The following PTPRD variants were observed in gnomAD, a reference collection of about 807,000 sequenced individuals.
PTPRD encodes the protein receptor-type tyrosine-protein phosphatase delta.
PTPRD carries 34 observed loss-of-function variants against 214.5 expected under a neutral mutation model. That is an observed-to-expected ratio of 0.16 (90% CI 0.12 to 0.21). PTPRD has a LOEUF of 0.21. Ranked by LOEUF, PTPRD falls within the 10% of genes least tolerant of loss-of-function variation. The probability of loss-of-function intolerance (pLI) is 1.00; values close to 1 mark genes in which losing one functional copy is unlikely to be tolerated. For synonymous variants in PTPRD, 1,128 were observed against 845.7 expected, an observed-to-expected ratio of 1.33 and a Z score of -5.79; for missense variants, 2,545 against 2,398.7, an observed-to-expected ratio of 1.06 and a Z score of -1.27.
At chr9:9,544,931 T>G (rs889658422) in intron 8 of PTPRD, among the ~76,000 whole-genome samples, 12 of 151,630 alleles carry the variant, frequency 7.9e-5, no homozygotes, top group Non-Finnish European at 1.8e-4. Flanking sequence ...TACCTGAATA[T>G]GTGTGGAGGT....
intron 3 of PTPRD, among the ~76,000 whole-genome samples, chr9:10,125,507 T>G (rs945655427): frequency 6.7e-6 from 1 of 150,110 alleles, no homozygotes; most frequent in African/African-American, 2.4e-5. Context: ...CAGGTTGTAG[T>G]GCAGTGGCGC....
chr9:10,482,901 A>G (rs900240144), intron 2 of PTPRD, among the ~76,000 whole-genome samples: 6 of 152,196 alleles, frequency 3.9e-5, no homozygotes, highest in Non-Finnish European at 5.9e-5. Context: ...CTATTACAAT[A>G]ACAACATGAT....
At position 9,607,005 on chromosome 9, in the gene PTPRD, A is replaced by AAAAAAAAAAAAT. The variant is rs1187365479; in HGVS notation, c.-286-32225_-286-32224insATTTTTTTTTTT. On this transcript the variant is annotated intron_variant, in intron 7 of 45. Transcript: ENST00000381196. ...AAAAAAAAAAAAAAAAAAAAAAAAA[A>AAAAAAAAAAAAT]GTGTTTCTGCCATGTCACCGACCAG... is the stretch of plus-strand genomic sequence containing the variant. Among the ~76,000 whole-genome samples the AAAAAAAAAAAAT allele has an allele frequency of 1.4e-4, 17 of 119,678 alleles. 5 individuals carry two copies. Among genetic ancestry groups the AAAAAAAAAAAAT allele is most frequent in the African/African-American group, 4.3e-4 (13 of 30,508 alleles). 78.5% of individuals were successfully genotyped at this position (119,678 alleles called of 152,430 possible).
intron 10 of PTPRD, among the ~76,000 whole-genome samples, chr9:9,119,243 G>T (rs957749794): frequency 1.3e-5 from 2 of 152,172 alleles, no homozygotes; most frequent in African/African-American, 4.8e-5. Flanking sequence ...AGTTATTGCA[G>T]AAACCAGTTA....
At chr9:9,840,894 A>T (rs2058170200) in intron 5 of PTPRD, among the ~76,000 whole-genome samples, 1 of 151,426 alleles carries the variant, frequency 6.6e-6, no homozygotes, top group Non-Finnish European at 1.5e-5. Context: ...TAAGGAGTTC[A>T]ATTTTTATAT....
chr9:8,614,943 TAAAG>T (rs1235488076), intron 14 of PTPRD, among the ~76,000 whole-genome samples: 3 of 152,160 alleles, frequency 2.0e-5, no homozygotes, highest in Non-Finnish European at 4.4e-5. Context: ...AAGCTACTTT[TAAAG>T]AAAGGAGAGC....
intron 26 of PTPRD, among the ~76,000 whole-genome samples, chr9:8,493,981 CACACACAGACACACACAG>C (rs1245098754): frequency 4.5e-5 from 6 of 133,954 alleles, no homozygotes; most frequent in African/African-American, 1.6e-4. Context: ...CACATGCGCA[CACACACAGACACACACAG>C]ACACACAGAC....
At chr9:9,223,840 C>T (rs1237345991) in intron 9 of PTPRD, among the ~76,000 whole-genome samples, 1 of 151,978 alleles carries the variant, frequency 6.6e-6, no homozygotes, top group Non-Finnish European at 1.5e-5. Flanking sequence ...GAGTACATTA[C>T]ATATTCATTA....
intron 2 of PTPRD, among the ~76,000 whole-genome samples, chr9:10,380,067 C>T (rs2097790706): frequency 6.6e-6 from 1 of 152,050 alleles, no homozygotes; most frequent in Non-Finnish European, 1.5e-5. Context: ...TCAAGCGATC[C>T]TCCTGCCTCA....
intron 43 of PTPRD, among the ~76,000 whole-genome samples, chr9:8,332,080 G>C (rs1169213884): frequency 6.6e-6 from 1 of 152,050 alleles, no homozygotes. Flanking sequence ...CATTCATCAT[G>C]TCTGCATTCC....
At chr9:8,519,047 G>C (rs72694770) in intron 20 of PTPRD, among the ~76,000 whole-genome samples, 3,207 of 152,160 alleles carry the variant, frequency 0.021, 45 homozygotes, top group Middle Eastern at 0.031. Flanking sequence ...ATTCTGGTAA[G>C]ACACAATACC....
chr9:9,329,704 T>A (rs116553197), intron 9 of PTPRD, among the ~76,000 whole-genome samples: 2,619 of 152,270 alleles, frequency 0.017, 75 homozygotes, highest in African/African-American at 0.061. Context: ...TAGATGAACA[T>A]CCAGTTTACC....
intron 5 of PTPRD, among the ~76,000 whole-genome samples, chr9:9,800,007 T>A (rs1245241349): frequency 1.3e-5 from 2 of 152,234 alleles, no homozygotes; most frequent in Admixed American, 6.5e-5. Flanking sequence ...TTCCTACAGG[T>A]GGATGAGCCA....
chr9:8,819,679 G>A (rs2097004708), intron 11 of PTPRD, among the ~76,000 whole-genome samples: 1 of 152,076 alleles, frequency 6.6e-6, no homozygotes, highest in Admixed American at 6.6e-5. Flanking sequence ...AGCTCTTTGT[G>A]AAACTTGGGG....
At chr9:9,356,698 C>G (rs2053927194) in intron 9 of PTPRD, among the ~76,000 whole-genome samples, 1 of 151,300 alleles carries the variant, frequency 6.6e-6, no homozygotes, top group Non-Finnish European at 1.5e-5. Context: ...AGTCAGAAGA[C>G]CCATGTTTGA....
intron 7 of PTPRD, among the ~76,000 whole-genome samples, chr9:9,698,804 C>T (rs1319441296): frequency 6.6e-6 from 1 of 152,104 alleles, no homozygotes; most frequent in African/African-American, 2.4e-5. Context: ...CTACTTGGTG[C>T]CTGGAAGATT....
At chr9:10,005,331 C>T (rs1168218010) in intron 4 of PTPRD, among the ~76,000 whole-genome samples, 2 of 152,152 alleles carry the variant, frequency 1.3e-5, no homozygotes, top group Middle Eastern at 3.4e-3. Context: ...TATTTCTTTT[C>T]GAGGCCAACA....
intron 4 of PTPRD, among the ~76,000 whole-genome samples, chr9:9,977,045 G>C (rs907623364): frequency 6.6e-6 from 1 of 152,100 alleles, no homozygotes; most frequent in African/African-American, 2.4e-5. Flanking sequence ...TGGCAAAATA[G>C]AATATTTATG....
At chr9:10,375,655 T>G (rs966905762) in intron 2 of PTPRD, among the ~76,000 whole-genome samples, 1 of 152,030 alleles carries the variant, frequency 6.6e-6, no homozygotes, top group African/African-American at 2.4e-5. Flanking sequence ...TGTGAATATT[T>G]TATCACCATA....
Sources: gnomAD v4.1 joint callset for allele counts (sites outside exome capture counted in the v4.1 genomes callset) on GRCh38, gnomAD v4.1.1 for gene constraint, MANE v1.5 for transcripts, NCBI Gene and HGNC (gene_info 2026-07-23, HGNC 2026-07-21) for gene names.